ARHGAP24: variants seen among roughly 807,000 people sequenced by gnomAD.
ARHGAP24 encodes the protein rho GTPase-activating protein 24.
Under a neutral mutation model 76.4 loss-of-function variants are expected in ARHGAP24, and 50 were observed. The observed-to-expected ratio is 0.65, with a 90% confidence interval of 0.52 to 0.83. ARHGAP24 has a LOEUF of 0.83. ARHGAP24 is among the 40% of genes least tolerant of loss of function. The pLI is 0.00. For synonymous variants in ARHGAP24, 345 were observed against 323.3 expected (o/e 1.07, Z -0.72); for missense variants, 930 against 914.2 (o/e 1.02, Z -0.22).
chr4:85,813,251 C>T (rs1203625758), intron 3 of ARHGAP24, among the ~76,000 whole-genome samples: 1 of 152,092 alleles, frequency 6.6e-6, no homozygotes, highest in Non-Finnish European at 1.5e-5. Context: ...GAGGTGTGCA[C>T]GGGAGCAACA....
chr4:85,973,564 G>T (rs1739116655), intron 6 of ARHGAP24, among the ~76,000 whole-genome samples: 1 of 152,110 alleles, frequency 6.6e-6, no homozygotes, highest in Non-Finnish European at 1.5e-5. Context: ...TTAATCAGTT[G>T]TGGTTGTGTG....
chr4:85,767,123 C>T (rs1436191360), intron 3 of ARHGAP24, among the ~76,000 whole-genome samples: 1 of 152,114 alleles, frequency 6.6e-6, no homozygotes, highest in Non-Finnish European at 1.5e-5. Flanking sequence ...TAAATATACT[C>T]TGCAACATTC....
intron 2 of ARHGAP24, among the ~76,000 whole-genome samples, chr4:85,615,762 A>T (rs1300865787): frequency 6.6e-6 from 1 of 152,224 alleles, no homozygotes; most frequent in Non-Finnish European, 1.5e-5. Context: ...AATCCTTCCC[A>T]CAAGGGATAA....
At chr4:85,639,440 AAAG>A (rs1223122998) in intron 2 of ARHGAP24, among the ~76,000 whole-genome samples, 2 of 152,258 alleles carry the variant, frequency 1.3e-5, no homozygotes, top group East Asian at 1.9e-4. Context: ...CAGGCAAAGA[AAAG>A]AAGAATAGGA....
intron 8 of ARHGAP24, among the ~76,000 whole-genome samples, chr4:85,980,779 G>T (rs564195129): frequency 5.7e-4 from 87 of 152,106 alleles, no homozygotes; most frequent in Non-Finnish European, 1.1e-3. Context: ...GAGGTCCATG[G>T]CCTCAAATGT....
chr4:85,786,308 T>C (rs1030847551), intron 3 of ARHGAP24, among the ~76,000 whole-genome samples: 3 of 152,206 alleles, frequency 2.0e-5, no homozygotes, highest in African/African-American at 7.2e-5. Flanking sequence ...GAAATAAACC[T>C]GAGGCTTCTC....
chr4:85,566,886 C>T (rs1204366112), intron 1 of ARHGAP24, among the ~76,000 whole-genome samples: 4 of 152,080 alleles, frequency 2.6e-5, no homozygotes, highest in African/African-American at 9.7e-5. Flanking sequence ...TAAGCCAAAA[C>T]TTAGATAAAA....
intron 1 of ARHGAP24, among the ~76,000 whole-genome samples, 158 bp from the exon 2 acceptor site, chr4:85,570,362 TTC>T (rs1176785661): frequency 1.5e-4 from 14 of 94,516 alleles, no homozygotes; most frequent in African/African-American, 2.3e-4. Flanking sequence ...CTTTCTTTCT[TTC>T]TCTTTCTTTC....
Position 85,611,937 on chromosome 4 carries a change from T to C in ARHGAP24, c.180+41216T>C, listed in dbSNP as rs374476905. 9.6e-4 allele frequency among the ~76,000 whole-genome samples: 146 copies of C among 152,336 alleles called. 3 individuals are homozygous for C. The South Asian group carries it at 0.03, about 31-fold the overall frequency. ...CCTGTGCTTTTCTCCAGGTTCTGTA[T>C]AGTACCAGTGGGTATGTTGTAATTG... On this transcript the variant is annotated intron_variant, in intron 2 of 9. Transcript: ENST00000395184.
intron 2 of ARHGAP24, among the ~76,000 whole-genome samples, chr4:85,623,239 G>T (rs1252400625): frequency 1.3e-4 from 19 of 152,000 alleles, no homozygotes; most frequent in African/African-American, 4.1e-4. Flanking sequence ...GGTCTAACAT[G>T]TAAGTCTTTA....
At chr4:85,678,196 C>T (rs922200114) in intron 2 of ARHGAP24, among the ~76,000 whole-genome samples, 1 of 152,058 alleles carries the variant, frequency 6.6e-6, no homozygotes, top group Non-Finnish European at 1.5e-5. Context: ...TAGTGAGACC[C>T]CATCTCTACA....
rs911482314 is a variant in ARHGAP24 at position 85,721,733 on chromosome 4, C to T, written c.181-152C>T. On this transcript the variant is annotated intron_variant, in intron 2 of 9. Coordinates refer to ENST00000395184, the MANE Select transcript of ARHGAP24 (RefSeq NM_001025616.3). ...ATCTTGAGTGAACATGATTCTGGCA[C>T]ATAATTTTTGATTATTGGGAATATA... is the stretch of plus-strand genomic sequence containing the variant. The T allele has an allele frequency of 8.6e-6, 6 of 697,040 alleles. No individual in the cohort carries two copies. In the African/African-American group the frequency reaches 8.9e-5, roughly 10 times the overall value. 43.2% of individuals were successfully genotyped at this position (697,040 alleles called of 1,614,324 possible). A position where few individuals can be genotyped will look rare whatever the true frequency, so the allele number is the denominator to read the frequency against.
Position 85,718,272 on chromosome 4 carries a change from G to A in ARHGAP24, c.181-3613G>A, listed in dbSNP as rs1236172262. ...ATATAATTCAGCTTTTAAAAATGAT[G>A]TAGATGACTACACTTGGCATAACAA... On this transcript the variant is annotated intron_variant, in intron 2 of 9. Coordinates refer to ENST00000395184, the MANE Select transcript of ARHGAP24 (RefSeq NM_001025616.3). Among the ~76,000 whole-genome samples the A allele has an allele frequency of 2.6e-5, 4 of 152,108 alleles. No homozygotes were observed. In the South Asian group the frequency reaches 8.3e-4, roughly 31 times the overall value.
intron 2 of ARHGAP24, among the ~76,000 whole-genome samples, chr4:85,578,181 A>G (rs1184978364): frequency 6.6e-6 from 1 of 152,204 alleles, no homozygotes; most frequent in East Asian, 1.9e-4. Context: ...AACTCCTATA[A>G]TTGACTATTT....
chr4:85,696,136 T>C (rs564115113), intron 2 of ARHGAP24, among the ~76,000 whole-genome samples: 10 of 150,842 alleles, frequency 6.6e-5, no homozygotes, highest in Admixed American at 4.0e-4. Flanking sequence ...TTTATTTTTA[T>C]TAAAAGTGAG....
chr4:85,843,089 T>C (rs182437480), intron 3 of ARHGAP24, among the ~76,000 whole-genome samples: 145 of 152,354 alleles, frequency 9.5e-4, no homozygotes, highest in African/African-American at 3.4e-3. Context: ...AAGTTATTAT[T>C]TTACATATTA....
At chr4:85,828,700 C>T (rs577468566) in intron 3 of ARHGAP24, among the ~76,000 whole-genome samples, 6 of 152,100 alleles carry the variant, frequency 3.9e-5, no homozygotes, top group African/African-American at 7.2e-5. Context: ...TACATGGGAA[C>T]GCAGAGTATT....
intron 2 of ARHGAP24, among the ~76,000 whole-genome samples, chr4:85,603,599 T>C (rs530072546): frequency 2.6e-5 from 4 of 152,300 alleles, no homozygotes; most frequent in African/African-American, 9.6e-5. Flanking sequence ...CAGCTGACAG[T>C]CAAACTGAAA....
At chr4:85,882,612 C>G (rs56175846) in intron 3 of ARHGAP24, among the ~76,000 whole-genome samples, 1 of 152,054 alleles carries the variant, frequency 6.6e-6, no homozygotes, top group Non-Finnish European at 1.5e-5. Flanking sequence ...ATTTTGTATT[C>G]TAGTTGATGA....
Sources: gnomAD v4.1 joint callset for allele counts (sites outside exome capture counted in the v4.1 genomes callset) on GRCh38, gnomAD v4.1.1 for gene constraint, MANE v1.5 for transcripts, NCBI Gene and HGNC (gene_info 2026-07-23, HGNC 2026-07-21) for gene names.